Variants in DOCK8 observed in about 807,000 individuals in gnomAD.
DOCK8 encodes the protein dedicator of cytokinesis 8.
DOCK8 carries 141 observed loss-of-function variants against 245.6 expected under a neutral mutation model. The ratio of observed to expected loss-of-function variants is 0.57; its 90% CI spans 0.50 to 0.66. DOCK8 has a LOEUF of 0.66. DOCK8 is among the 30% of genes least tolerant of loss of function. The probability of loss-of-function intolerance (pLI) is 0.00; values close to 1 mark genes in which losing one functional copy is unlikely to be tolerated. For missense variants in DOCK8, 2,965 were observed against 2,603.4 expected (o/e 1.14, Z -3.02); for synonymous variants, 1,168 against 970.2 (o/e 1.20, Z -3.79).
chr9:335,846 G>C (rs748767366), intron 11 of DOCK8, among the ~76,000 whole-genome samples: 1 of 152,118 alleles, frequency 6.6e-6, no homozygotes, highest in Non-Finnish European at 1.5e-5. Flanking sequence ...CAACATCATG[G>C]TAAGAATTAA....
At chr9:276,242 A>G (rs975807580) in intron 2 of DOCK8, among the ~76,000 whole-genome samples, 1 of 152,224 alleles carries the variant, frequency 6.6e-6, no homozygotes, top group African/African-American at 2.4e-5. Context: ...GGAATATATA[A>G]AGAAAGGTAA....
At chr9:226,327 C>A (rs2046989466) in intron 1 of DOCK8, among the ~76,000 whole-genome samples, 1 of 152,068 alleles carries the variant, frequency 6.6e-6, no homozygotes, top group Non-Finnish European at 1.5e-5. Context: ...TTATCTCGCA[C>A]AACATGTGGG....
chr9:238,515 C>G (rs1003361273), intron 1 of DOCK8, among the ~76,000 whole-genome samples: 14 of 152,182 alleles, frequency 9.2e-5, no homozygotes, highest in Non-Finnish European at 1.9e-4. Flanking sequence ...ACAACAGGCA[C>G]CATAATAATG....
chr9:403,962 A>ATATATATATGTGTATATATATATATG (rs2055281177), intron 26 of DOCK8, among the ~76,000 whole-genome samples: 4 of 66,174 alleles, frequency 6.0e-5, no homozygotes, highest in African/African-American at 2.0e-4. Flanking sequence ...ATATATATGT[A>ATATATATATGTGTATATATATATATG]TATATATATA....
Position 421,044 on chromosome 9 carries a change from G to T in DOCK8, c.4119G>T (p.Gly1373=). 3 of 1,614,184 alleles carry T rather than the reference G, an allele frequency of 1.9e-6. No homozygotes were observed. The highest frequency in any genetic ancestry group is 2.5e-6 in the Non-Finnish European group (3 of 1,180,036). ...RLEEALLRGE[G]ARGEMMRRRA... ...AAGAGGCTTTGCTCCGTGGGGAAGG[G>T]GCCAGAGGGGAGATGATGCGCCGCC... Residue 1373 remains glycine (G), a synonymous_variant, in exon 32 of 48, where the codon GGG becomes GGT. Coordinates refer to ENST00000432829, the MANE Select transcript of DOCK8 (RefSeq NM_203447.4).
chr9:264,766 G>T (rs1243923277), intron 1 of DOCK8, among the ~76,000 whole-genome samples: 2 of 152,088 alleles, frequency 1.3e-5, no homozygotes, highest in Non-Finnish European at 2.9e-5. Flanking sequence ...CTCAGAAAAA[G>T]CCTTAGATTT....
At position 269,595 on chromosome 9, in the gene DOCK8, A is replaced by C. The variant is rs1214633481; in HGVS notation, c.54-2032A>C. ...TTTTGCAACAGAGTCTTGCTCCGTC[A>C]CCCAGGCTGGAGTGCAGTGGAGCAA... On this transcript the variant is annotated intron_variant, in intron 1 of 47. Coordinates refer to ENST00000432829, the MANE Select transcript of DOCK8 (RefSeq NM_203447.4). Among the ~76,000 whole-genome samples the C allele has an allele frequency of 2.3e-5, 3 of 130,850 alleles. No homozygotes were observed. In the South Asian group the frequency reaches 7.0e-4, roughly 31 times the overall value. 85.8% of individuals were successfully genotyped at this position (130,850 alleles called of 152,430 possible). A position where few individuals can be genotyped will look rare whatever the true frequency, so the allele number is the denominator to read the frequency against.
chr9:382,796 G>A (rs2053778465), intron 22 of DOCK8, 111 bp downstream of exon 22: 2 of 1,412,566 alleles, frequency 1.4e-6, no homozygotes, highest in African/African-American at 2.9e-5. Flanking sequence ...ATGCTGGTCG[G>A]ATGCTTTAAT....
At chr9:252,416 A>G (rs942778803) in intron 1 of DOCK8, among the ~76,000 whole-genome samples, 1 of 152,100 alleles carries the variant, frequency 6.6e-6, no homozygotes, top group African/African-American at 2.4e-5. Context: ...CAAGATTTGA[A>G]CCAGTTGTTA....
At chr9:273,960 C>T (rs2048241855) in intron 2 of DOCK8, among the ~76,000 whole-genome samples, 1 of 152,174 alleles carries the variant, frequency 6.6e-6, no homozygotes, top group African/African-American at 2.4e-5. Flanking sequence ...CCCGCCTAGG[C>T]CTCCCAAAGT....
intron 14 of DOCK8, 82 bp downstream of exon 14, chr9:340,403 T>C: frequency 4.5e-6 from 7 of 1,569,176 alleles, no homozygotes; most frequent in Non-Finnish European, 5.2e-6. Flanking sequence ...GGAGGATTGC[T>C]TGAGCTCAGG....
At chr9:372,375 A>T in intron 18 of DOCK8, 89 bp downstream of exon 18, 3 of 1,020,688 alleles carry the variant, frequency 2.9e-6, no homozygotes, top group Non-Finnish European at 4.6e-6. Flanking sequence ...CCATGTGGCC[A>T]TGGATGTTCA....
intron 46 of DOCK8, among the ~76,000 whole-genome samples, chr9:455,478 C>G (rs1159484317): frequency 6.6e-6 from 1 of 152,054 alleles, no homozygotes; most frequent in Non-Finnish European, 1.5e-5. Context: ...CCACTGCACT[C>G]CAGCCTGGGT....
intron 24 of DOCK8, among the ~76,000 whole-genome samples, chr9:396,238 C>T (rs543501824): frequency 1.3e-5 from 2 of 152,106 alleles, no homozygotes; most frequent in Non-Finnish European, 1.5e-5. Context: ...TTTATAGGAG[C>T]AGAAGATAAC....
At chr9:312,268 C>T in intron 6 of DOCK8, 102 bp downstream of exon 6, 1 of 1,357,764 alleles carries the variant, frequency 7.4e-7, no homozygotes, top group Non-Finnish European at 1.0e-6. Flanking sequence ...CCCATGGTGT[C>T]AGGGCTCACT....
At chr9:448,713 A>T (rs2057339177) in intron 44 of DOCK8, among the ~76,000 whole-genome samples, 1 of 152,128 alleles carries the variant, frequency 6.6e-6, no homozygotes, top group Admixed American at 6.5e-5. Flanking sequence ...TCTCGTAAGG[A>T]CACCAGTCAT....
At chr9:314,853 G>A (rs1348967701) in intron 6 of DOCK8, among the ~76,000 whole-genome samples, 1 of 152,190 alleles carries the variant, frequency 6.6e-6, no homozygotes, top group Non-Finnish European at 1.5e-5. Context: ...AAAGTTAGAA[G>A]AGAGGTAAAC....
At chr9:245,875 C>T (rs528198134) in intron 1 of DOCK8, among the ~76,000 whole-genome samples, 3 of 152,206 alleles carry the variant, frequency 2.0e-5, no homozygotes, top group Non-Finnish European at 4.4e-5. Context: ...TGATAGGGGA[C>T]TTTGAAATAA....
chr9:328,959 T>TC (rs1408495789), intron 9 of DOCK8, among the ~76,000 whole-genome samples: 1 of 143,754 alleles, frequency 7.0e-6, no homozygotes, highest in Admixed American at 6.9e-5. Flanking sequence ...TTTTTTTTTT[T>TC]TTTTTTTTGA....
Sources: allele counts gnomAD v4.1 joint callset (sites outside exome capture counted in the v4.1 genomes callset), GRCh38; gene constraint gnomAD v4.1.1; transcripts MANE v1.5; gene names NCBI Gene and HGNC (gene_info 2026-07-23, HGNC 2026-07-21).